TLN2: variants seen among roughly 807,000 people sequenced by gnomAD.
The protein encoded by TLN2 is talin-2.
TLN2 carries 118 observed loss-of-function variants against 294.7 expected under a neutral mutation model. That is an observed-to-expected ratio of 0.40 (90% confidence interval 0.34 to 0.47). The LOEUF is 0.47. TLN2 is among the 20% of genes least tolerant of loss of function. The pLI is 0.84. For missense variants in TLN2, 3,083 were observed against 3,282.2 expected (o/e 0.94, Z 1.48); for synonymous variants, 1,431 against 1,304.5 (o/e 1.10, Z -2.09).
intron 1 of TLN2, among the ~76,000 whole-genome samples, chr15:62,534,404 G>T (rs953819137): frequency 6.6e-6 from 1 of 152,098 alleles, no homozygotes; most frequent in Non-Finnish European, 1.5e-5. Context: ...AATTTAATTT[G>T]CTAGAACAGC....
intron 47 of TLN2, 126 bp downstream of exon 47, chr15:62,796,419 A>G: frequency 8.7e-7 from 1 of 1,146,132 alleles, no homozygotes; most frequent in Non-Finnish European, 1.2e-6. Context: ...AAGATGCACA[A>G]GTTGGGAAAG....
chr15:62,804,974 A>G (rs2066172118), intron 50 of TLN2, among the ~76,000 whole-genome samples: 1 of 152,176 alleles, frequency 6.6e-6, no homozygotes, highest in Admixed American at 6.5e-5. Context: ...TTGACTTACC[A>G]TGGTGAATTT....
chr15:62,781,083 A>C, intron 43 of TLN2, 57 bp from the exon 44 acceptor site: 4 of 1,312,566 alleles, frequency 3.0e-6, no homozygotes, highest in Non-Finnish European at 4.4e-6. Context: ...TCGTAAATAC[A>C]GTCTACACTT....
chr15:62,759,035 G>A (rs1449956105), intron 37 of TLN2, among the ~76,000 whole-genome samples: 3 of 152,230 alleles, frequency 2.0e-5, no homozygotes, highest in African/African-American at 7.2e-5. Flanking sequence ...AGCAGGCTCC[G>A]GGCTTGGGAG....
chr15:62,622,400 C>T (rs1320235928), intron 3 of TLN2, among the ~76,000 whole-genome samples: 2 of 152,064 alleles, frequency 1.3e-5, no homozygotes, highest in Admixed American at 1.3e-4. Context: ...ACTCCTGTTC[C>T]AGACAAGTGG....
chr15:62,636,902 G>C (rs1194983696), intron 3 of TLN2, among the ~76,000 whole-genome samples: 1 of 152,160 alleles, frequency 6.6e-6, no homozygotes, highest in East Asian at 1.9e-4. Flanking sequence ...CATTCTTCCA[G>C]GTTCAGTCTG....
chr15:62,468,304 T>C (rs527975662), intron 1 of TLN2, among the ~76,000 whole-genome samples: 1 of 152,250 alleles, frequency 6.6e-6, no homozygotes, highest in East Asian at 1.9e-4. Context: ...TGCAACAGAA[T>C]GATGACAAGG....
intron 1 of TLN2, among the ~76,000 whole-genome samples, chr15:62,459,108 C>T (rs1021009447): frequency 9.9e-5 from 15 of 151,940 alleles, no homozygotes; most frequent in African/African-American, 2.9e-4. Flanking sequence ...TCAAGTTATT[C>T]TCCTGCCTCA....
At chr15:62,693,911 T>C (rs2058114804) in intron 13 of TLN2, among the ~76,000 whole-genome samples, 1 of 151,686 alleles carries the variant, frequency 6.6e-6, no homozygotes, top group Non-Finnish European at 1.5e-5. Context: ...CCCTTCAAAA[T>C]GTTTTTTTAA....
At chr15:62,785,517 T>C (rs781685163) in intron 45 of TLN2, among the ~76,000 whole-genome samples, 2 of 152,206 alleles carry the variant, frequency 1.3e-5, no homozygotes, top group Non-Finnish European at 2.9e-5. Flanking sequence ...CTGGGCGTGA[T>C]GGTGTGCGCC....
chr15:62,645,403 T>C lies in TLN2; in HGVS notation c.-36-1872T>C, dbSNP rs187127752. ...ATCCTGACCTTTCTCAACTAAGGAA[T>C]AGTTTCACAATTTTCATGGCAAAAT... On this transcript the variant is annotated intron_variant, in intron 3 of 58. Coordinates refer to ENST00000636159, the MANE Select transcript of TLN2 (RefSeq NM_015059.3). 5 of 152,346 alleles carry C rather than the reference T, an allele frequency of 3.3e-5. No homozygotes were observed. The East Asian group carries it at 9.6e-4, about 29-fold the overall frequency. The allele number at this position is 152,346 out of a possible 1,614,324, so 9.4% of individuals were successfully genotyped here. A position where few individuals can be genotyped will look rare whatever the true frequency, so the allele number is the denominator to read the frequency against.
At chr15:62,589,334 G>A (rs2045908476) in intron 1 of TLN2, among the ~76,000 whole-genome samples, 1 of 152,186 alleles carries the variant, frequency 6.6e-6, no homozygotes, top group Non-Finnish European at 1.5e-5. Flanking sequence ...ATTTTAAAAA[G>A]AAGCAGAGTG....
intron 2 of TLN2, among the ~76,000 whole-genome samples, chr15:62,595,487 T>A (rs1238099084): frequency 6.7e-6 from 1 of 149,836 alleles, no homozygotes; most frequent in Non-Finnish European, 1.5e-5. Context: ...TGCTTGTACA[T>A]CACTGGAAAG....
chr15:62,570,078 C>G (rs564891750), intron 1 of TLN2, among the ~76,000 whole-genome samples: 1 of 152,312 alleles, frequency 6.6e-6, no homozygotes, highest in South Asian at 2.1e-4. Context: ...CCTCCTCTTT[C>G]CTCTTCTTAA....
chr15:62,477,890 T>TG (rs1051328243), intron 1 of TLN2, among the ~76,000 whole-genome samples: 106 of 3,390 alleles, frequency 0.031, no homozygotes, highest in Non-Finnish European at 0.048. Flanking sequence ...TGGCAGGTGG[T>TG]GGGGGGGATG....
chr15:62,795,098 G>A (rs2065375098), intron 46 of TLN2, among the ~76,000 whole-genome samples: 1 of 152,226 alleles, frequency 6.6e-6, no homozygotes, highest in Admixed American at 6.5e-5. Context: ...GAGAGCAGGG[G>A]GAGGTGTCCG....
At chr15:62,730,029 C>CTTTTTT (rs11368681) in intron 28 of TLN2, among the ~76,000 whole-genome samples, 2 of 121,166 alleles carry the variant, frequency 1.7e-5, no homozygotes, top group South Asian at 2.6e-4. Context: ...TTATTGTTGT[C>CTTTTTT]TTTTTTTTTT....
intron 52 of TLN2, among the ~76,000 whole-genome samples, chr15:62,819,157 G>C (rs1341075874): frequency 6.6e-6 from 1 of 152,160 alleles, no homozygotes; most frequent in Non-Finnish European, 1.5e-5. Flanking sequence ...ACTGTACCCA[G>C]CCAGAATGTT....
intron 3 of TLN2, among the ~76,000 whole-genome samples, chr15:62,642,095 G>C (rs1391767299): frequency 6.6e-6 from 1 of 152,210 alleles, no homozygotes; most frequent in Non-Finnish European, 1.5e-5. Flanking sequence ...AACCACAGAA[G>C]GGTTTTGTGT....
Sources: allele counts gnomAD v4.1 joint callset (sites outside exome capture counted in the v4.1 genomes callset), GRCh38; gene constraint gnomAD v4.1.1; transcripts MANE v1.5; gene names NCBI Gene and HGNC (gene_info 2026-07-23, HGNC 2026-07-21).